The following P4HA3 variants were observed in gnomAD, a reference collection of about 807,000 sequenced individuals.
P4HA3 encodes the protein prolyl 4-hydroxylase subunit alpha-3.
In P4HA3, 60 loss-of-function variants were observed where a neutral mutation model predicts 66.7. That is an observed-to-expected ratio of 0.90 (90% CI 0.73 to 1.12). The LOEUF is 1.12. Ranked by LOEUF, P4HA3 falls within the 50% of genes most tolerant of loss-of-function variation. P4HA3 has a pLI of 0.00. For synonymous variants in P4HA3, 263 were observed against 274.6 expected (o/e 0.96, Z 0.42); for missense variants, 683 against 685.8 (o/e 1.00, Z 0.05).
chr11:74,298,088 C>T (rs1301874771), intron 4 of P4HA3, 124 bp downstream of exon 4: 4 of 1,202,958 alleles, frequency 3.3e-6, no homozygotes, highest in Non-Finnish European at 4.6e-6. Flanking sequence ...CCCTGCTTGG[C>T]TCAGTTTGGT....
chr11:74,270,050 G>GACACACACACAT (rs1860138930), intron 10 of P4HA3, among the ~76,000 whole-genome samples: 1 of 151,674 alleles, frequency 6.6e-6, no homozygotes, highest in Non-Finnish European at 1.5e-5. Flanking sequence ...AATGACCCAA[G>GACACACACACAT]ACACACACAC....
intron 3 of P4HA3, among the ~76,000 whole-genome samples, chr11:74,300,765 C>T (rs894103806): frequency 7.2e-5 from 11 of 152,220 alleles, no homozygotes; most frequent in East Asian, 3.9e-4. Context: ...GATACCACTC[C>T]GAGGTATTCA....
At position 74,277,122 on chromosome 11, in the gene P4HA3, C is replaced by T. The variant is rs2282488; in HGVS notation, c.1198G>A (p.Asp400Asn). The T allele has an allele frequency of 0.16, 253,945 of 1,613,634 alleles. 21,919 individuals carry two copies. The highest frequency in any genetic ancestry group is 0.28 in the East Asian group (12,771 of 44,842). The part of the protein sequence containing the change: ...SKSAWLKDTV[D>N]PKLVTLNHRI... Reference sequence around the variant, plus strand: ...TGGTTGAGGGTCACCAGTTTTGGGTCAACAGTGTCCTTCAGCCAGGCACTA... The same window carrying T: ...TGGTTGAGGGTCACCAGTTTTGGGTTAACAGTGTCCTTCAGCCAGGCACTA... Residue 400 changes from aspartate (D) to asparagine (N), a missense_variant, in exon 9 of 13, where the codon GAC (aspartate) becomes AAC (asparagine). Transcript: ENST00000331597.
At chr11:74,261,394 G>A (rs569097665) in intron 14 of P4HA3, among the ~76,000 whole-genome samples, 59 of 152,148 alleles carry the variant, frequency 3.9e-4, no homozygotes, top group Non-Finnish European at 7.8e-4. Context: ...GAAAGGTGGG[G>A]AGCAATCAGA....
chr11:74,302,670 C>T (rs541849389), intron 2 of P4HA3, 78 bp from the exon 3 acceptor site: 1 of 1,291,890 alleles, frequency 7.7e-7, no homozygotes, highest in East Asian at 2.3e-5. Context: ...GGCATGACCA[C>T]CTGTTCAAAT....
chr11:74,302,187 A>G (rs1861428662), intron 3 of P4HA3, among the ~76,000 whole-genome samples, 182 bp downstream of exon 3: 2 of 152,200 alleles, frequency 1.3e-5, no homozygotes. Flanking sequence ...TTAAAATTGC[A>G]TAATCTTAGG....
In P4HA3 at chr11:74,311,602, C is replaced by T; in HGVS notation, c.10G>A (p.Gly4Arg). The T allele has an allele frequency of 2.6e-6, 4 of 1,523,480 alleles. No homozygotes were observed. The highest frequency in any genetic ancestry group is 3.5e-6 in the Non-Finnish European group (4 of 1,147,180). 94.4% of individuals were successfully genotyped at this position (1,523,480 alleles called of 1,614,324 possible). Residue 4 changes from glycine to arginine, a missense_variant, in exon 1 of 13, where the codon GGG becomes AGG. Transcript: ENST00000331597. ...GCCAGCAGCGCCGCCAGCCGCGCCCCAGGACCCATAGCCAGCGCTCGCGAA... is the reference window on the plus strand; with the variant it reads ...GCCAGCAGCGCCGCCAGCCGCGCCCTAGGACCCATAGCCAGCGCTCGCGAA... MGP[G>R]ARLAALLAVL...
At chr11:74,273,636 T>C in intron 9 of P4HA3, 29 bp from the exon 10 acceptor site, 1 of 1,529,160 alleles carries the variant, frequency 6.5e-7, no homozygotes, top group Non-Finnish European at 8.7e-7. Context: ...GAACATATTA[T>C]TTTATGCAGA....
rs1276209367 is a variant in P4HA3 at position 74,251,274 on chromosome 11, T to G, written c.*1319-3273A>C. 4.4e-6 allele frequency: 6 copies of G among 1,368,220 alleles called. No homozygotes were observed. In the East Asian group the frequency reaches 1.6e-4, roughly 36 times the overall value. 84.8% of individuals were successfully genotyped at this position (1,368,220 alleles called of 1,614,324 possible). A position where few individuals can be genotyped will look rare whatever the true frequency, so the allele number is the denominator to read the frequency against. Reference sequence around the variant, plus strand: ...CTGTGGTTAAGATCTTAAGCTCTACTTCTCCAATACCCCCAAAAGCCAGAG... The same window carrying G: ...CTGTGGTTAAGATCTTAAGCTCTACGTCTCCAATACCCCCAAAAGCCAGAG... On this transcript the variant is annotated intron_variant and NMD_transcript_variant, in intron 15 of 15. Coordinates refer to the P4HA3 transcript ENST00000524388.
intron 5 of P4HA3, chr11:74,287,323 T>C (rs1201241100): frequency 8.5e-6 from 11 of 1,288,256 alleles, no homozygotes; most frequent in Middle Eastern, 2.1e-4. Flanking sequence ...GGGCAGAAAT[T>C]ACCATTCTGT....
chr11:74,253,345 G>T, intron 15 of P4HA3: 1 of 779,270 alleles, frequency 1.3e-6, no homozygotes, highest in Admixed American at 2.1e-5. Context: ...CAGACCCTGG[G>T]TCCAGCTCTG....
At chr11:74,297,211 C>T (rs1403990324) in intron 4 of P4HA3, among the ~76,000 whole-genome samples, 1 of 152,160 alleles carries the variant, frequency 6.6e-6, no homozygotes, top group Non-Finnish European at 1.5e-5. Flanking sequence ...GGCTCAGCCT[C>T]CCAAAGTGCT....
At chr11:74,276,343 G>A (rs564547469) in intron 9 of P4HA3, among the ~76,000 whole-genome samples, 9 of 152,204 alleles carry the variant, frequency 5.9e-5, no homozygotes, top group South Asian at 2.1e-4. Context: ...TGGGAGGATC[G>A]CTTGAGCCCA....
rs374227625 is a variant in P4HA3, at chr11:74,297,145, G to T, written c.717+1067C>A. Among the ~76,000 whole-genome samples the T allele has an allele frequency of 2.0e-4, 31 of 151,872 alleles. No homozygotes were observed. In the East Asian group the frequency reaches 3.5e-3, roughly 17 times the overall value. ...TTTTGTTTGTTTTTAGTAGAGATGG[G>T]GTTTCTCCATGTTGGTCAGGCTGGT... On this transcript the variant is annotated intron_variant, in intron 4 of 12. Coordinates refer to ENST00000331597, the MANE Select transcript of P4HA3 (RefSeq NM_182904.5).
At chr11:74,268,712 T>C (rs904094987) in intron 11 of P4HA3, among the ~76,000 whole-genome samples, 2 of 152,190 alleles carry the variant, frequency 1.3e-5, no homozygotes, top group African/African-American at 4.8e-5. Flanking sequence ...GCAGGCAGTA[T>C]CATAATCCCC....
intron 7 of P4HA3, among the ~76,000 whole-genome samples, chr11:74,283,987 C>A (rs1430822481): frequency 1.3e-5 from 2 of 152,162 alleles, no homozygotes; most frequent in Non-Finnish European, 2.9e-5. Flanking sequence ...AGGAAAGAAC[C>A]AATACTTCAT....
At chr11:74,255,802 A>C in intron 15 of P4HA3, 1 of 368,840 alleles carries the variant, frequency 2.7e-6, no homozygotes, top group South Asian at 2.0e-5. Context: ...CATTTTAACA[A>C]GTGCATCAAT....
In P4HA3 at chr11:74,267,330, C is replaced by G. The variant is rs984300449; in HGVS notation, c.1565-12G>C. The G allele has an allele frequency of 1.2e-6, 2 of 1,613,732 alleles. No individual in the cohort carries two copies. Among genetic ancestry groups the G allele is most frequent in the Non-Finnish European group, 1.7e-6 (2 of 1,179,718 alleles). ...CCACTTGTTGGCCACTGGGAGAGAA[C>G]AGGGAAGAAGGAGACAGCAGGCTCA... On this transcript the variant is annotated splice_polypyrimidine_tract_variant and intron_variant, in intron 12 of 12. Transcript: ENST00000331597.
intron 14 of P4HA3, among the ~76,000 whole-genome samples, chr11:74,260,757 TA>T (rs1172205464): frequency 2.0e-5 from 3 of 152,282 alleles, no homozygotes; most frequent in Non-Finnish European, 2.9e-5. Flanking sequence ...TGCATCAACC[TA>T]AATAAGAGTT....
Sources: gnomAD v4.1 joint callset for allele counts (sites outside exome capture counted in the v4.1 genomes callset) on GRCh38, gnomAD v4.1.1 for gene constraint, MANE v1.5 for transcripts, NCBI Gene and HGNC (gene_info 2026-07-23, HGNC 2026-07-21) for gene names.